Variants in CDK8 observed in about 807,000 individuals in gnomAD.
CDK8 encodes cyclin-dependent kinase 8.
A neutral mutation model predicts 71.5 loss-of-function variants in CDK8; 29 were observed. The observed-to-expected ratio is 0.41, with a 90% CI of 0.30 to 0.55. The LOEUF is 0.55. CDK8 is among the 20% of genes least tolerant of loss of function. The pLI is 0.37. For synonymous variants in CDK8, 161 were observed against 192.1 expected, an observed-to-expected ratio of 0.84 and a Z score of 1.34; for missense variants, 288 against 572.6, an observed-to-expected ratio of 0.50 and a Z score of 5.07.
chr13:26,256,306 T>TA lies in CDK8; in HGVS notation c.128+1538dup, dbSNP rs58439271. On this transcript the variant is annotated intron_variant, in intron 1 of 12. Coordinates refer to ENST00000381527, the MANE Select transcript of CDK8 (RefSeq NM_001260.3). ...CTGTAATGACATATATTTTTAAAAT[T>TA]ATGTTTGTTAACTCACCATACAATA... 8.0e-3 allele frequency among the ~76,000 whole-genome samples: 1,217 copies of TA among 152,322 alleles called. 26 individuals carry two copies. Among genetic ancestry groups the TA allele is most frequent in the African/African-American group, 0.026 (1,095 of 41,558 alleles).
At chr13:26,357,209 C>T in intron 4 of CDK8, among the ~76,000 whole-genome samples, 1 of 152,132 alleles carries the variant, frequency 6.6e-6, no homozygotes, top group East Asian at 1.9e-4. Flanking sequence ...AGATCAGTAG[C>T]TGAAATCCGG....
intron 4 of CDK8, among the ~76,000 whole-genome samples, chr13:26,369,709 C>CTTTTTTTTTTTTTTTTTTT: frequency 1.0e-5 from 1 of 95,384 alleles, no homozygotes; most frequent in Non-Finnish European, 2.0e-5. Flanking sequence ...TTCTTTCTTT[C>CTTTTTTTTTTTTTTTTTTT]TTTTTTTTTT....
intron 1 of CDK8, among the ~76,000 whole-genome samples, chr13:26,289,577 G>A (rs1873199946): frequency 6.6e-6 from 1 of 152,040 alleles, no homozygotes; most frequent in Admixed American, 6.6e-5. Flanking sequence ...TTGAGACTGA[G>A]TCTCGCTCTG....
intron 4 of CDK8, among the ~76,000 whole-genome samples, chr13:26,377,703 C>T (rs889818658): frequency 1.3e-5 from 2 of 152,098 alleles, no homozygotes; most frequent in African/African-American, 4.8e-5. Context: ...ATAAAGATTT[C>T]ATCACTGGAT....
intron 1 of CDK8, among the ~76,000 whole-genome samples, chr13:26,306,595 A>G (rs1479799014): frequency 2.1e-5 from 3 of 144,274 alleles, no homozygotes; most frequent in East Asian, 2.0e-4. Context: ...ATTCTTCCCT[A>G]CTTCCCTCCC....
intron 1 of CDK8, among the ~76,000 whole-genome samples, chr13:26,300,940 T>C (rs1190604739): frequency 1.3e-5 from 2 of 152,178 alleles, no homozygotes; most frequent in Admixed American, 1.3e-4. Flanking sequence ...AGATGAATAG[T>C]CTATTTATAG....
At chr13:26,283,006 T>G (rs943189267) in intron 1 of CDK8, among the ~76,000 whole-genome samples, 14 of 152,176 alleles carry the variant, frequency 9.2e-5, no homozygotes, top group Non-Finnish European at 1.0e-4. Context: ...CAGGAAAATA[T>G]CACAGTCCTA....
rs1343109895 is a variant in CDK8 at position 26,401,476 on chromosome 13, A to G, written c.1121A>G (p.Gln374Arg). ...GTTTAACCAATTGAGAAGAACCAGC[A>G]GCAGCAGCAGGGCAATAACCACACT... is the stretch of plus-strand genomic sequence containing the variant. ...PDDKGDKKNQ[Q>R]QQQGNNHTNG... The change falls in exon 12 of 13, where the codon CAG (glutamine) becomes CGG (arginine). Residue 374 changes from glutamine to arginine, a missense_variant. Around this residue, in one of 6 missense-constraint regions of CDK8, gnomAD observed 96 missense variants for 229.8 expected, o/e 0.42. Coordinates refer to ENST00000381527, the MANE Select transcript of CDK8 (RefSeq NM_001260.3). The surrounding 1 kb of genome is among the most constrained non-coding windows in gnomAD (Gnocchi z 4.5). The G allele has an allele frequency of 6.2e-7, 1 of 1,614,068 alleles. No homozygotes were observed. Among genetic ancestry groups the G allele is most frequent in the African/African-American group, 1.3e-5 (1 of 74,942 alleles).
intron 9 of CDK8, 85 bp from the exon 10 acceptor site, chr13:26,400,368 A>G: frequency 1.2e-6 from 1 of 830,758 alleles, no homozygotes; most frequent in Non-Finnish European, 2.0e-6. Context: ...GTTATTCACC[A>G]AAAAATATAT....
chr13:26,293,414 G>A (rs547835348), intron 1 of CDK8, among the ~76,000 whole-genome samples: 1 of 151,920 alleles, frequency 6.6e-6, no homozygotes, highest in East Asian at 1.9e-4. Context: ...ACCAGCCTGG[G>A]CAACACAGTG....
At position 26,404,378 on chromosome 13, in the gene CDK8, G is replaced by A. The variant is rs1367837432; in HGVS notation, c.*297G>A. The A allele has an allele frequency of 6.4e-6, 2 of 313,588 alleles. No individual in the cohort carries two copies. Among genetic ancestry groups the A allele is most frequent in the Non-Finnish European group, 1.2e-5 (2 of 166,986 alleles). 19.4% of individuals were successfully genotyped at this position (313,588 alleles called of 1,614,324 possible). A position where few individuals can be genotyped will look rare whatever the true frequency, so the allele number is the denominator to read the frequency against. On this transcript the variant is annotated 3_prime_UTR_variant, in exon 13 of 13. Transcript: ENST00000381527. ...AATGCATTTTTTTCAGTGACAGTCT[G>A]TAGCAGTTGAAGCTGTGAATGTGCT...
intron 1 of CDK8, among the ~76,000 whole-genome samples, chr13:26,292,380 A>G (rs1277194653): frequency 6.6e-6 from 1 of 152,170 alleles, no homozygotes; most frequent in East Asian, 1.9e-4. Context: ...CAAGTGATTG[A>G]TTTGTTTGTT....
chr13:26,323,890 T>C lies in CDK8; in HGVS notation c.129-13677T>C, dbSNP rs116680961. Among the ~76,000 whole-genome samples, 1,005 of 152,260 alleles carry C rather than the reference T, an allele frequency of 6.6e-3. 10 individuals carry two copies. Among genetic ancestry groups the C allele is most frequent in the African/African-American group, 0.021 (871 of 41,566 alleles). ...TACTTTTTGCAGCTATATGAAACCTTTCCTGTGGTGTATAATCAGCAGAGG... is the reference window on the plus strand; with the variant it reads ...TACTTTTTGCAGCTATATGAAACCTCTCCTGTGGTGTATAATCAGCAGAGG... On this transcript the variant is annotated intron_variant, in intron 1 of 12. Transcript: ENST00000381527.
At chr13:26,314,054 T>G (rs1434556517) in intron 1 of CDK8, among the ~76,000 whole-genome samples, 1 of 152,194 alleles carries the variant, frequency 6.6e-6, no homozygotes, top group African/African-American at 2.4e-5. Flanking sequence ...GACTCTTCTG[T>G]TACTTTCACT....
chr13:26,273,839 T>C (rs1311365347), intron 1 of CDK8, among the ~76,000 whole-genome samples: 1 of 152,102 alleles, frequency 6.6e-6, no homozygotes, highest in Non-Finnish European at 1.5e-5. Context: ...ACAAGTAAAG[T>C]CTAAGAAGAA....
At chr13:26,304,316 T>C (rs909386102) in intron 1 of CDK8, among the ~76,000 whole-genome samples, 7 of 151,992 alleles carry the variant, frequency 4.6e-5, no homozygotes, top group Non-Finnish European at 8.8e-5. Flanking sequence ...TTTTATGCAA[T>C]ATGTAAGTTC....
At chr13:26,309,057 T>C (rs915051975) in intron 1 of CDK8, among the ~76,000 whole-genome samples, 1 of 152,152 alleles carries the variant, frequency 6.6e-6, no homozygotes, top group Non-Finnish European at 1.5e-5. Context: ...TTTCCTGTAC[T>C]TACGACAGTG....
At chr13:26,376,490 T>C (rs1874958848) in intron 4 of CDK8, among the ~76,000 whole-genome samples, 1 of 152,190 alleles carries the variant, frequency 6.6e-6, no homozygotes, top group Non-Finnish European at 1.5e-5. Context: ...TATATACACA[T>C]GTTAATATGT....
chr13:26,345,376 G>T (rs961666575), intron 2 of CDK8, among the ~76,000 whole-genome samples: 1 of 151,928 alleles, frequency 6.6e-6, no homozygotes, highest in Admixed American at 6.6e-5. Context: ...TAATGAAGTA[G>T]ATTGGTTTTT....
Sources: allele counts gnomAD v4.1 joint callset (sites outside exome capture counted in the v4.1 genomes callset), GRCh38; gene constraint gnomAD v4.1.1; regional missense constraint gnomAD v4.1.1; non-coding constraint Gnocchi (gnomAD v3.1); transcripts MANE v1.5; gene names NCBI Gene and HGNC (gene_info 2026-07-23, HGNC 2026-07-21).